Variants in CDH13 observed in about 807,000 individuals in gnomAD.
The protein encoded by CDH13 is cadherin-13.
A neutral mutation model predicts 63.8 loss-of-function variants in CDH13; 24 were observed. That is an observed-to-expected ratio of 0.38 (90% confidence interval 0.27 to 0.53). The LOEUF is 0.53. Among genes scored for constraint, CDH13 ranks in the 20% least tolerant of loss-of-function variants. CDH13 has a pLI of 0.85. For missense variants in CDH13, 1,049 were observed against 903.1 expected, an observed-to-expected ratio of 1.16 and a Z score of -2.07; for synonymous variants, 503 against 355.3, an observed-to-expected ratio of 1.42 and a Z score of -4.67.
intron 5 of CDH13, among the ~76,000 whole-genome samples, chr16:83,293,409 C>T (rs1125244): frequency 0.22 from 33,134 of 151,952 alleles, 4,475 homozygotes; most frequent in East Asian, 0.45. Flanking sequence ...GCCTTGCCAC[C>T]GGAAGAAAAT....
intron 10 of CDH13, among the ~76,000 whole-genome samples, chr16:83,698,059 C>T (rs747858273): frequency 2.0e-5 from 3 of 152,224 alleles, no homozygotes; most frequent in Non-Finnish European, 2.9e-5. Flanking sequence ...CCCTTGAGGG[C>T]ACGGACCATG....
At position 83,399,956 on chromosome 16, in the gene CDH13, A is replaced by C. The variant is rs151110137; in HGVS notation, c.781+54950A>C. Among the ~76,000 whole-genome samples, 279 of 152,270 alleles carry C rather than the reference A, an allele frequency of 1.8e-3. 1 individual carries two copies. The highest frequency in any genetic ancestry group is 6.5e-3 in the African/African-American group (272 of 41,552). On this transcript the variant is annotated intron_variant, in intron 6 of 13. Coordinates refer to ENST00000567109, the MANE Select transcript of CDH13 (RefSeq NM_001257.5). ...AGGACATTATAAGAACAAACACCAA[A>C]AAACCACCTATGTGTTGCAAAAGTT...
At chr16:82,694,295 T>C (rs2150981385) in intron 1 of CDH13, among the ~76,000 whole-genome samples, 1 of 152,342 alleles carries the variant, frequency 6.6e-6, no homozygotes, top group Admixed American at 6.5e-5. Context: ...TGAACAGAGT[T>C]ATTTGAGCTA....
intron 5 of CDH13, among the ~76,000 whole-genome samples, chr16:83,243,627 C>A (rs1300196692): frequency 6.6e-6 from 1 of 152,138 alleles, no homozygotes; most frequent in Non-Finnish European, 1.5e-5. Flanking sequence ...TTCCTCTTGG[C>A]TTCAAAGGAC....
intron 3 of CDH13, among the ~76,000 whole-genome samples, chr16:83,093,520 G>C (rs1013092389): frequency 6.6e-6 from 1 of 151,422 alleles, no homozygotes; most frequent in African/African-American, 2.4e-5. Context: ...GGATTTCACC[G>C]TGTTGGCCAG....
chr16:82,912,278 A>C (rs980837222), intron 2 of CDH13, among the ~76,000 whole-genome samples: 6 of 152,188 alleles, frequency 3.9e-5, no homozygotes, highest in African/African-American at 1.4e-4. Flanking sequence ...GGGAGTGAGC[A>C]CGAATGGACT....
chr16:82,764,094 C>G (rs946408638), intron 1 of CDH13, among the ~76,000 whole-genome samples: 1 of 152,218 alleles, frequency 6.6e-6, no homozygotes, highest in African/African-American at 2.4e-5. Flanking sequence ...GACCGTAGAC[C>G]TGGCTTGTTC....
chr16:83,366,903 T>C (rs1443286236), intron 6 of CDH13, among the ~76,000 whole-genome samples: 1 of 152,226 alleles, frequency 6.6e-6, no homozygotes, highest in Non-Finnish European at 1.5e-5. Context: ...GCCAACAGTA[T>C]GTTTAATACC....
chr16:83,602,669 C>T, intron 8 of CDH13, 75 bp downstream of exon 8: 1 of 1,433,564 alleles, frequency 7.0e-7, no homozygotes, highest in Non-Finnish European at 9.8e-7. Context: ...ATTCACGTAC[C>T]ACAGCACCTG....
chr16:83,686,979 G>A (rs1372693285), intron 10 of CDH13, among the ~76,000 whole-genome samples: 1 of 152,194 alleles, frequency 6.6e-6, no homozygotes, highest in Non-Finnish European at 1.5e-5. Flanking sequence ...GGAGGCCAAG[G>A]TGGGCAGATC....
intron 2 of CDH13, among the ~76,000 whole-genome samples, chr16:83,030,822 A>G (rs1916240673): frequency 6.6e-6 from 1 of 151,750 alleles, no homozygotes. Flanking sequence ...TGTTTCCCAG[A>G]GACATTTTCA....
At chr16:83,691,564 C>T (rs1904887011) in intron 10 of CDH13, among the ~76,000 whole-genome samples, 1 of 152,042 alleles carries the variant, frequency 6.6e-6, no homozygotes, top group Admixed American at 6.5e-5. Flanking sequence ...CTCACACCCA[C>T]CTGGCACTTT....
chr16:83,225,049 G>T (rs2039800878), intron 5 of CDH13, among the ~76,000 whole-genome samples: 1 of 152,150 alleles, frequency 6.6e-6, no homozygotes, highest in Non-Finnish European at 1.5e-5. Flanking sequence ...CTGGGAACTT[G>T]TTAGAGATGT....
intron 12 of CDH13, among the ~76,000 whole-genome samples, chr16:83,780,404 A>T (rs974453081): frequency 1.3e-5 from 2 of 152,230 alleles, no homozygotes; most frequent in African/African-American, 4.8e-5. Context: ...TCAAACACAG[A>T]CATTTTCTCT....
intron 6 of CDH13, among the ~76,000 whole-genome samples, chr16:83,452,024 CCTT>C (rs1449692214): frequency 6.6e-6 from 1 of 152,122 alleles, no homozygotes; most frequent in Non-Finnish European, 1.5e-5. Context: ...TCTGATTTTT[CCTT>C]TGTGCCAAAT....
chr16:83,203,653 C>T (rs866675463), intron 4 of CDH13, among the ~76,000 whole-genome samples: 1 of 98,926 alleles, frequency 1.0e-5, no homozygotes, highest in Non-Finnish European at 1.9e-5. Context: ...CAGAGTGAGA[C>T]TCCATCTCAA....
intron 1 of CDH13, among the ~76,000 whole-genome samples, chr16:82,641,402 G>A (rs923448824): frequency 1.3e-5 from 2 of 152,186 alleles, no homozygotes; most frequent in Non-Finnish European, 2.9e-5. Flanking sequence ...ACCATTACAT[G>A]TTACTGGAAA....
chr16:82,948,029 A>G (rs1403195437), intron 2 of CDH13, among the ~76,000 whole-genome samples: 1 of 152,196 alleles, frequency 6.6e-6, no homozygotes, highest in African/African-American at 2.4e-5. Flanking sequence ...GAGATGTAAC[A>G]TGGTAATTTA....
intron 6 of CDH13, among the ~76,000 whole-genome samples, chr16:83,371,276 T>A (rs2091362273): frequency 6.6e-6 from 1 of 152,244 alleles, no homozygotes; most frequent in Non-Finnish European, 1.5e-5. Context: ...TCTTTTTAAA[T>A]CATTACCCTC....
Sources: gnomAD v4.1 joint callset for allele counts (sites outside exome capture counted in the v4.1 genomes callset) on GRCh38, gnomAD v4.1.1 for gene constraint, MANE v1.5 for transcripts, NCBI Gene and HGNC (gene_info 2026-07-23, HGNC 2026-07-21) for gene names.